Variants in DENND4C observed in about 807,000 individuals in gnomAD.
DENND4C encodes the protein DENN domain containing 4C, also known as DENN domain-containing protein 4C.
A neutral mutation model predicts 203.0 loss-of-function variants in DENND4C; 108 were observed. The observed-to-expected ratio is 0.53, with a 90% CI of 0.46 to 0.62. The LOEUF is 0.62. Ranked by LOEUF, DENND4C falls within the 20% of genes least tolerant of loss-of-function variation. DENND4C has a pLI of 0.00. For synonymous variants in DENND4C, 871 were observed against 792.4 expected (o/e 1.10, Z -1.67); for missense variants, 2,481 against 2,301.2 (o/e 1.08, Z -1.60).
intron 10 of DENND4C, among the ~76,000 whole-genome samples, chr9:19,315,034 C>T (rs1413489364): frequency 6.6e-6 from 1 of 151,730 alleles, no homozygotes; most frequent in African/African-American, 2.4e-5. Context: ...ATGGCGCGCC[C>T]CTGTAATCCC....
At position 19,300,224 on chromosome 9, in the gene DENND4C, C is replaced by A; in HGVS notation, c.1204C>A (p.Pro402Thr). The A allele has an allele frequency of 1.2e-6, 2 of 1,611,744 alleles. No homozygotes were observed. Among genetic ancestry groups the A allele is most frequent in the Non-Finnish European group, 1.7e-6 (2 of 1,178,310 alleles). ...TAGCACCTTGCTAATGAATCTGGGT[C>A]CTGAGAATTGTGCAACACTGCTGCT... is the stretch of plus-strand genomic sequence containing the variant. ...NFSTLLMNLG[P>T]ENCATLLLFV... The change falls in exon 9 of 33, where the codon CCT (proline) becomes ACT (threonine). Residue 402 changes from proline to threonine, a missense_variant. Around this residue, in one of 3 missense-constraint regions of DENND4C, gnomAD observed 2,289 missense variants for 2,113.3 expected, o/e 1.08. Transcript: ENST00000434457.
intron 1 of DENND4C, among the ~76,000 whole-genome samples, chr9:19,240,556 C>T (rs903847516): frequency 6.6e-6 from 1 of 151,934 alleles, no homozygotes; most frequent in African/African-American, 2.4e-5. Context: ...GTCCCAGCTA[C>T]TTGCGAGGCT....
chr9:19,326,004 A>C (rs377558593), intron 14 of DENND4C, 30 bp downstream of exon 14: 1 of 1,608,470 alleles, frequency 6.2e-7, no homozygotes, highest in Non-Finnish European at 8.5e-7. Context: ...TAAGGGTTGA[A>C]ATTTCAGAAT....
chr9:19,342,017 G>C (rs1821762914), intron 21 of DENND4C, among the ~76,000 whole-genome samples: 2 of 151,994 alleles, frequency 1.3e-5, no homozygotes, highest in Non-Finnish European at 2.9e-5. Context: ...CCAGGTACTG[G>C]GGAGGCTGAG....
In DENND4C at chr9:19,346,523, C is replaced by A; in HGVS notation, c.3754C>A (p.Pro1252Thr). ...GGAAGATGTTGAAACTGGACTAGAT[C>A]CTTTGTCTCTTTTAGCCACTGAATG... ...QREDVETGLD[P>T]LSLLATECTG... Residue 1252 changes from proline (P) to threonine (T), a missense_variant, in exon 23 of 33, where the codon CCT (proline) becomes ACT (threonine). Physicochemically the swap from Pro to Thr is conservative, Grantham distance 38. This residue lies in a region of DENND4C where 2,289 missense variants were observed against 2,113.3 expected (regional missense o/e 1.08). Transcript: ENST00000434457. 6.2e-7 allele frequency: 1 copy of A among 1,614,082 alleles called. No homozygotes were observed. The highest frequency in any genetic ancestry group is 8.5e-7 in the Non-Finnish European group (1 of 1,180,026).
chr9:19,272,158 G>A (rs1297761507), intron 1 of DENND4C, among the ~76,000 whole-genome samples: 1 of 151,704 alleles, frequency 6.6e-6, no homozygotes, highest in Non-Finnish European at 1.5e-5. Context: ...GGTGGCTCAT[G>A]CCTATAATCC....
rs1827181244 is a variant in DENND4C, at chr9:19,364,443, C to CAG, written c.5524+2481_5524+2482dup. ...CTCTGTTCTATAGAAATACAGTACA[C>CAG]AGCTAACTGTTTACACAAGGATACT... On this transcript the variant is annotated intron_variant, in intron 30 of 32. Transcript: ENST00000434457. Among the ~76,000 whole-genome samples, 3 of 152,286 alleles carry CAG rather than the reference C, an allele frequency of 2.0e-5. No homozygotes were observed. The South Asian group carries it at 6.2e-4, about 32-fold the overall frequency.
intron 30 of DENND4C, among the ~76,000 whole-genome samples, chr9:19,363,558 ATTAT>A (rs1826973442): frequency 2.0e-5 from 3 of 152,132 alleles, no homozygotes; most frequent in Middle Eastern, 3.4e-3. Flanking sequence ...TGTAACCTTA[ATTAT>A]TTATTTAAAG....
intron 2 of DENND4C, among the ~76,000 whole-genome samples, chr9:19,285,315 CAT>C (rs982103241): frequency 6.6e-6 from 1 of 152,120 alleles, no homozygotes; most frequent in Non-Finnish European, 1.5e-5. Flanking sequence ...ATACAATTCA[CAT>C]GTCATACAGT....
chr9:19,314,440 C>G (rs1841377922), intron 10 of DENND4C, among the ~76,000 whole-genome samples: 1 of 151,888 alleles, frequency 6.6e-6, no homozygotes, highest in African/African-American at 2.4e-5. Context: ...GGCGACAGCT[C>G]AAAGACTACA....
intron 1 of DENND4C, among the ~76,000 whole-genome samples, chr9:19,243,322 C>T (rs1824248170): frequency 6.6e-6 from 1 of 152,156 alleles, no homozygotes; most frequent in South Asian, 2.1e-4. Context: ...GTATGTATCA[C>T]TCCTTCATTC....
chr9:19,369,051 G>A (rs142694587), intron 30 of DENND4C, among the ~76,000 whole-genome samples: 3,202 of 152,192 alleles, frequency 0.021, 123 homozygotes, highest in African/African-American at 0.072. Context: ...TTGGGAGGCT[G>A]AGCAGGGAGG....
At chr9:19,269,349 G>T (rs1831158264) in intron 1 of DENND4C, among the ~76,000 whole-genome samples, 1 of 152,082 alleles carries the variant, frequency 6.6e-6, no homozygotes, top group Non-Finnish European at 1.5e-5. Context: ...AGTAGAGACA[G>T]GGTTTCACCA....
intron 31 of DENND4C, among the ~76,000 whole-genome samples, chr9:19,371,190 GCTCA>G (rs1828772005): frequency 6.6e-6 from 1 of 152,138 alleles, no homozygotes; most frequent in South Asian, 2.1e-4. Flanking sequence ...GAGTCATGAA[GCTCA>G]CTTTTAGTGT....
chr9:19,289,992 C>T lies in DENND4C; in HGVS notation c.629-712C>T, dbSNP rs544638710. Among the ~76,000 whole-genome samples the T allele has an allele frequency of 5.3e-5, 8 of 152,166 alleles. No homozygotes were observed. The East Asian group carries it at 1.5e-3, about 29-fold the overall frequency. ...AAGTATTCAGTTATTTGATATGAGA[C>T]ACTTATTTTAGAATAGAGAGTTTTA... On this transcript the variant is annotated intron_variant, in intron 4 of 32. Coordinates refer to ENST00000434457, the MANE Select transcript of DENND4C (RefSeq NM_001330640.2).
intron 2 of DENND4C, among the ~76,000 whole-genome samples, chr9:19,279,297 C>A (rs1833547978): frequency 6.6e-6 from 1 of 150,646 alleles, no homozygotes. Flanking sequence ...CCACTGCACT[C>A]CAGCCTCCCT....
intron 1 of DENND4C, among the ~76,000 whole-genome samples, chr9:19,231,476 A>G (rs780275564): frequency 3.3e-5 from 5 of 151,802 alleles, no homozygotes; most frequent in South Asian, 2.1e-4. Flanking sequence ...AAAACCAAGG[A>G]ATGAAGTCCT....
intron 13 of DENND4C, 33 bp downstream of exon 13, chr9:19,324,540 A>G: frequency 1.3e-6 from 2 of 1,584,608 alleles, no homozygotes. Context: ...GTGTTTAGAA[A>G]AAAAAGTTTG....
chr9:19,316,592 C>G, intron 11 of DENND4C, 29 bp from the exon 12 acceptor site: 1 of 1,605,514 alleles, frequency 6.2e-7, no homozygotes, highest in Non-Finnish European at 8.5e-7. Context: ...TAACATAATA[C>G]CATTTTCTGT....
Sources: allele counts gnomAD v4.1 joint callset (sites outside exome capture counted in the v4.1 genomes callset), GRCh38; gene constraint gnomAD v4.1.1; regional missense constraint gnomAD v4.1.1; transcripts MANE v1.5; gene names NCBI Gene and HGNC (gene_info 2026-07-23, HGNC 2026-07-21).